FRAS1: variants seen among roughly 807,000 people sequenced by gnomAD.
FRAS1 encodes extracellular matrix organizing protein FRAS1.
FRAS1 carries 290 observed loss-of-function variants against 435.2 expected under a neutral mutation model. The ratio of observed to expected loss-of-function variants is 0.67; its 90% confidence interval spans 0.61 to 0.73. FRAS1 has a LOEUF of 0.73. Ranked by LOEUF, FRAS1 falls within the 30% of genes least tolerant of loss-of-function variation. FRAS1 has a pLI of 0.00. For missense variants in FRAS1, 4,860 were observed against 5,001.5 expected (o/e 0.97, Z 0.85); for synonymous variants, 1,800 against 1,851.0 (o/e 0.97, Z 0.71).
At chr4:78,198,481 G>A (rs1321084767) in intron 2 of FRAS1, among the ~76,000 whole-genome samples, 4 of 152,164 alleles carry the variant, frequency 2.6e-5, no homozygotes, top group Non-Finnish European at 4.4e-5. Context: ...TGCTTTGAGA[G>A]GAACCTAAAC....
intron 50 of FRAS1, among the ~76,000 whole-genome samples, chr4:78,468,517 A>ATCATCATCATCATCG: frequency 6.6e-6 from 1 of 152,164 alleles, no homozygotes; most frequent in Admixed American, 6.5e-5. Context: ...CATCATCATC[A>ATCATCATCATCATCG]TCATTTTAGA....
At position 78,380,112 on chromosome 4, in the gene FRAS1, T is replaced by C. The variant is rs1731956279; in HGVS notation, c.3563+116T>C. The C allele has an allele frequency of 2.2e-5, 26 of 1,160,282 alleles. No homozygotes were observed. The South Asian group carries it at 3.9e-4, about 17-fold the overall frequency. The allele number at this position is 1,160,282 out of a possible 1,614,324, so 71.9% of individuals were successfully genotyped here. Reference sequence around the variant, plus strand: ...GCTAACCCTTCTCATCTGGGGAAGATCAATACTCCACAAGCCCAAATACTC... The same window carrying C: ...GCTAACCCTTCTCATCTGGGGAAGACCAATACTCCACAAGCCCAAATACTC... On this transcript the variant is annotated intron_variant, in intron 27 of 73. Transcript: ENST00000512123.
At chr4:78,429,350 A>G in intron 36 of FRAS1, 124 bp downstream of exon 36, 1 of 1,216,416 alleles carries the variant, frequency 8.2e-7, no homozygotes, top group Non-Finnish European at 1.1e-6. Context: ...CTGCATTCTC[A>G]CCTGTATCCT....
At chr4:78,321,561 T>C (rs957853129) in intron 18 of FRAS1, among the ~76,000 whole-genome samples, 6 of 152,118 alleles carry the variant, frequency 3.9e-5, no homozygotes, top group African/African-American at 1.4e-4. Context: ...GATTAGAATC[T>C]GACTGGGTTC....
chr4:78,176,134 G>T (rs1477707212), intron 2 of FRAS1, among the ~76,000 whole-genome samples: 1 of 152,214 alleles, frequency 6.6e-6, no homozygotes, highest in South Asian at 2.1e-4. Flanking sequence ...GTTCAGAAAT[G>T]AAGTAATTTT....
In FRAS1 at chr4:78,057,551, C is replaced by A; in HGVS notation, c.-459C>A. The stretch of plus-strand genomic sequence containing the variant: ...GCGACCCGCGGTGCCGACGCAACGC[C>A]GACGTATGGTGCCAAGCGAACTTTA... On this transcript the variant is annotated 5_prime_UTR_variant, in exon 1 of 74. Transcript: ENST00000512123. The surrounding 1 kb of genome is among the most constrained non-coding windows in gnomAD (Gnocchi z 4.2). The A allele has an allele frequency of 6.3e-6, 1 of 157,720 alleles. No homozygotes were observed. The highest frequency in any genetic ancestry group is 1.4e-5 in the Non-Finnish European group (1 of 71,890). 9.8% of individuals were successfully genotyped at this position (157,720 alleles called of 1,614,324 possible).
intron 14 of FRAS1, among the ~76,000 whole-genome samples, chr4:78,301,859 T>G (rs973705122): frequency 5.4e-5 from 8 of 148,302 alleles, no homozygotes; most frequent in Admixed American, 2.6e-4. Context: ...TTTTTTTTTT[T>G]TTTTTTTTTT....
At chr4:78,489,697 T>C (rs1157926838) in intron 59 of FRAS1, among the ~76,000 whole-genome samples, 1 of 152,162 alleles carries the variant, frequency 6.6e-6, no homozygotes, top group Admixed American at 6.5e-5. Context: ...GTGTGACATA[T>C]TTGGAACTTA....
At chr4:78,487,304 G>A (rs1371196710) in intron 58 of FRAS1, among the ~76,000 whole-genome samples, 2 of 152,110 alleles carry the variant, frequency 1.3e-5, no homozygotes, top group Non-Finnish European at 2.9e-5. Context: ...TGATGGGATG[G>A]TTTTATTTTT....
At chr4:78,485,224 C>T (rs1720132444) in intron 58 of FRAS1, among the ~76,000 whole-genome samples, 1 of 152,174 alleles carries the variant, frequency 6.6e-6, no homozygotes. Flanking sequence ...TGTGAAAATG[C>T]CTGCTGTAAT....
At chr4:78,205,184 T>C (rs1455012363) in intron 2 of FRAS1, among the ~76,000 whole-genome samples, 1 of 148,146 alleles carries the variant, frequency 6.8e-6, no homozygotes, top group African/African-American at 2.4e-5. Flanking sequence ...TCCTCTTTCT[T>C]TCCTTCCTTT....
chr4:78,483,870 A>G (rs968736347), intron 58 of FRAS1, among the ~76,000 whole-genome samples: 1 of 149,922 alleles, frequency 6.7e-6, no homozygotes, highest in African/African-American at 2.4e-5. Flanking sequence ...ATCCAAAATG[A>G]TAGTAATTTG....
intron 29 of FRAS1, among the ~76,000 whole-genome samples, chr4:78,392,332 C>T (rs1280639265): frequency 6.6e-6 from 1 of 152,146 alleles, no homozygotes. Flanking sequence ...GTCACTGTTA[C>T]ATTCAACATT....
At chr4:78,075,357 T>C (rs1740585826) in intron 2 of FRAS1, among the ~76,000 whole-genome samples, 1 of 152,206 alleles carries the variant, frequency 6.6e-6, no homozygotes, top group Non-Finnish European at 1.5e-5. Context: ...TTTGATCTGC[T>C]GACTTAACCA....
intron 59 of FRAS1, among the ~76,000 whole-genome samples, chr4:78,490,983 T>A (rs1022874488): frequency 2.0e-5 from 3 of 151,940 alleles, no homozygotes; most frequent in Non-Finnish European, 4.4e-5. Flanking sequence ...ATATCACCAC[T>A]GATCCCACAG....
At position 78,479,620 on chromosome 4, in the gene FRAS1, T is replaced by C. The variant is rs752640897; in HGVS notation, c.8345T>C (p.Ile2782Thr). ...GCAGATGCCTCTGACAATGCCCGCA[T>C]TGGAAGGGTGGCGACAGCCAAGGTG... ...ALADASDNAR[I>T]GRVATAKVLI... Residue 2782 changes from isoleucine to threonine, a missense_variant, in exon 56 of 74, where the codon ATT (isoleucine) becomes ACT (threonine). Physicochemically the swap from Ile to Thr is moderately conservative, Grantham distance 89. Coordinates refer to ENST00000512123, the MANE Select transcript of FRAS1 (RefSeq NM_025074.7). The C allele has an allele frequency of 3.7e-6, 6 of 1,613,750 alleles. No individual in the cohort carries two copies. In the Admixed American group the frequency reaches 6.7e-5, roughly 18 times the overall value.
At chr4:78,335,513 A>T (rs1321053583) in intron 19 of FRAS1, among the ~76,000 whole-genome samples, 1 of 152,240 alleles carries the variant, frequency 6.6e-6, no homozygotes, top group Non-Finnish European at 1.5e-5. Flanking sequence ...GGTCAAAGCA[A>T]GATAACCCAT....
intron 11 of FRAS1, among the ~76,000 whole-genome samples, chr4:78,282,612 TA>T (rs11296935): frequency 0.96 from 146,414 of 152,292 alleles, 70,625 homozygotes; most frequent in East Asian, 1. Flanking sequence ...TACATTGAAG[TA>T]AAACCCATTA....
chr4:78,278,547 G>T, intron 9 of FRAS1, 108 bp from the exon 10 acceptor site: 1 of 679,360 alleles, frequency 1.5e-6, no homozygotes, highest in Non-Finnish European at 2.7e-6. Flanking sequence ...AGCCAACAGT[G>T]TGCCAGCGTT....
Sources: allele counts gnomAD v4.1 joint callset (sites outside exome capture counted in the v4.1 genomes callset), GRCh38; gene constraint gnomAD v4.1.1; non-coding constraint Gnocchi (gnomAD v3.1); transcripts MANE v1.5; gene names NCBI Gene and HGNC (gene_info 2026-07-23, HGNC 2026-07-21).